Variants in DPP6 observed in about 807,000 individuals in gnomAD.
DPP6 encodes A-type potassium channel modulatory protein DPP6.
DPP6 carries 69 observed loss-of-function variants against 122.6 expected under a neutral mutation model. The observed-to-expected ratio is 0.56, with a 90% confidence interval of 0.46 to 0.69. The LOEUF is 0.69. DPP6 is among the 30% of genes least tolerant of loss of function. The pLI is 0.00. For missense variants in DPP6, 928 were observed against 1,116.9 expected, an observed-to-expected ratio of 0.83 and a Z score of 2.41; for synonymous variants, 418 against 433.1, an observed-to-expected ratio of 0.97 and a Z score of 0.43.
chr7:154,389,240 G>A (rs746035424), intron 1 of DPP6, among the ~76,000 whole-genome samples: 3 of 152,188 alleles, frequency 2.0e-5, no homozygotes, highest in Non-Finnish European at 2.9e-5. Flanking sequence ...AGTCACAGGC[G>A]ATGTCGGCCA....
chr7:154,279,942 A>G (rs1006625909), intron 1 of DPP6, among the ~76,000 whole-genome samples: 1 of 152,198 alleles, frequency 6.6e-6, no homozygotes, highest in African/African-American at 2.4e-5. Context: ...ATTACACCAT[A>G]GTTTTGAATT....
At chr7:154,637,909 A>G in intron 6 of DPP6, 36 bp downstream of exon 6, 4 of 1,549,862 alleles carry the variant, frequency 2.6e-6, no homozygotes, top group Admixed American at 2.0e-5. Context: ...AATTAGAAAT[A>G]TGCAGGGCAA....
chr7:154,444,274 G>A (rs147273967), intron 1 of DPP6, among the ~76,000 whole-genome samples: 1,892 of 151,808 alleles, frequency 0.012, 32 homozygotes, highest in African/African-American at 0.043. Context: ...TGGCTAACAT[G>A]GTGAAACCCT....
intron 10 of DPP6, among the ~76,000 whole-genome samples, chr7:154,779,001 T>TCCA (rs1796798948): frequency 1.2e-5 from 1 of 85,726 alleles, no homozygotes; most frequent in African/African-American, 4.6e-5. Flanking sequence ...CTCCACAACC[T>TCCA]CCACCACCAG....
intron 1 of DPP6, among the ~76,000 whole-genome samples, chr7:154,044,646 T>G (rs1187401696): frequency 6.6e-6 from 1 of 152,222 alleles, no homozygotes; most frequent in African/African-American, 2.4e-5. Flanking sequence ...TATTTCCATT[T>G]GTACATGGAA....
intron 5 of DPP6, among the ~76,000 whole-genome samples, chr7:154,568,432 G>C (rs1183122905): frequency 6.6e-6 from 1 of 152,226 alleles, no homozygotes; most frequent in Non-Finnish European, 1.5e-5. Context: ...TGGGATGGAG[G>C]TAATGAGCAT....
At chr7:153,902,998 A>G (rs1799702680) in intron 1 of DPP6, among the ~76,000 whole-genome samples, 1 of 152,192 alleles carries the variant, frequency 6.6e-6, no homozygotes, top group South Asian at 2.1e-4. Flanking sequence ...AACCGCTACA[A>G]TAGCCAGCAA....
intron 11 of DPP6, 48 bp from the exon 12 acceptor site, chr7:154,795,796 AG>A (rs372501821): frequency 0.085 from 55,248 of 647,796 alleles, 288 homozygotes; most frequent in East Asian, 0.15. Flanking sequence ...AAAAAAAAAA[AG>A]AAAAGAAAAG....
chr7:154,518,975 T>C (rs1331260958), intron 3 of DPP6, among the ~76,000 whole-genome samples: 1 of 152,120 alleles, frequency 6.6e-6, no homozygotes, highest in East Asian at 1.9e-4. Flanking sequence ...CGGGTTCTCA[T>C]TTCACCAGGA....
At chr7:153,872,676 T>G in the DPP6 span, among the ~76,000 whole-genome samples, 1 of 152,194 alleles carries the variant, frequency 6.6e-6, no homozygotes, top group Non-Finnish European at 1.5e-5. Context: ...CTATCATTAT[T>G]ATCATTATCA....
chr7:154,086,215 A>T (rs955713344), intron 1 of DPP6, among the ~76,000 whole-genome samples: 7 of 151,948 alleles, frequency 4.6e-5, no homozygotes, highest in African/African-American at 1.7e-4. Flanking sequence ...GGCATAGCTC[A>T]TCAGAAATTC....
At chr7:154,868,124 AAAAG>A in intron 18 of DPP6, 31 bp downstream of exon 18, 1 of 1,561,594 alleles carries the variant, frequency 6.4e-7, no homozygotes, top group Non-Finnish European at 8.7e-7. Context: ...CTCTAAAAGA[AAAAG>A]AAAAAGAAAA....
chr7:154,574,398 T>G (rs1311927493), intron 5 of DPP6, among the ~76,000 whole-genome samples: 11 of 135,128 alleles, frequency 8.1e-5, no homozygotes, highest in African/African-American at 3.1e-4. Context: ...TGTATGTGTG[T>G]GGTGTGTGTA....
chr7:153,876,803 C>T, the DPP6 span, among the ~76,000 whole-genome samples: 1,018 of 152,152 alleles, frequency 6.7e-3, 10 homozygotes, highest in African/African-American at 0.023. Flanking sequence ...TCCTATACTA[C>T]AAACCTGTAC....
intron 1 of DPP6, among the ~76,000 whole-genome samples, chr7:153,997,351 C>T (rs770172626): frequency 4.6e-5 from 7 of 152,118 alleles, no homozygotes; most frequent in Admixed American, 3.9e-4. Flanking sequence ...AACCTTGTTA[C>T]GCTATTTTAT....
intron 5 of DPP6, among the ~76,000 whole-genome samples, chr7:154,625,434 C>G (rs937753959): frequency 6.6e-6 from 1 of 152,160 alleles, no homozygotes; most frequent in African/African-American, 2.4e-5. Context: ...AGTTTAGACA[C>G]AGGCTGCCTA....
At chr7:154,485,286 G>A (rs749862231) in intron 3 of DPP6, among the ~76,000 whole-genome samples, 8 of 152,162 alleles carry the variant, frequency 5.3e-5, no homozygotes, top group South Asian at 2.1e-4. Flanking sequence ...GAAGCACATC[G>A]TTGTACCTTA....
chr7:154,427,234 T>G (rs1292492004), intron 1 of DPP6, among the ~76,000 whole-genome samples: 1 of 152,214 alleles, frequency 6.6e-6, no homozygotes, highest in Admixed American at 6.5e-5. Flanking sequence ...TTAAGTGCAT[T>G]CTGTATTGTT....
intron 16 of DPP6, among the ~76,000 whole-genome samples, chr7:154,824,427 G>A (rs931116294): frequency 3.9e-5 from 6 of 152,130 alleles, no homozygotes; most frequent in African/African-American, 1.4e-4. Context: ...TTACAGGCAT[G>A]TGCCACCACA....
Sources: gnomAD v4.1 joint callset for allele counts (sites outside exome capture counted in the v4.1 genomes callset) on GRCh38, gnomAD v4.1.1 for gene constraint, MANE v1.5 for transcripts, NCBI Gene and HGNC (gene_info 2026-07-23, HGNC 2026-07-21) for gene names.